The following CAPRIN1 variants were observed in gnomAD, a reference collection of about 807,000 sequenced individuals.
The protein encoded by CAPRIN1 is cell cycle associated protein 1, also known as caprin-1.
CAPRIN1 carries 29 observed loss-of-function variants against 100.9 expected under a neutral mutation model. The ratio of observed to expected loss-of-function variants is 0.29; its 90% CI spans 0.21 to 0.39. The LOEUF (loss-of-function observed/expected upper bound fraction) is 0.39. Among genes scored for constraint, CAPRIN1 ranks in the 10% least tolerant of loss-of-function variants. CAPRIN1 has a pLI of 1.00. For missense variants in CAPRIN1, 795 were observed against 876.7 expected (o/e 0.91, Z 1.18); for synonymous variants, 338 against 307.5 (o/e 1.10, Z -1.04).
intron 10 of CAPRIN1, 29 bp downstream of exon 10, chr11:34,086,248 C>G: frequency 6.2e-7 from 1 of 1,610,666 alleles, no homozygotes; most frequent in South Asian, 1.1e-5. Context: ...GACTCTGTAA[C>G]AGAAAGTTTA....
intron 2 of CAPRIN1, among the ~76,000 whole-genome samples, chr11:34,062,573 T>C (rs1196436101): frequency 5.7e-5 from 8 of 141,252 alleles, no homozygotes; most frequent in East Asian, 2.0e-4. Context: ...TGCAGTGAGC[T>C]GAGATCACGC....
At chr11:34,083,835 A>T (rs1851079559) in intron 9 of CAPRIN1, among the ~76,000 whole-genome samples, 1 of 152,134 alleles carries the variant, frequency 6.6e-6, no homozygotes, top group Non-Finnish European at 1.5e-5. Context: ...TGTGGGGCTG[A>T]GGCAGGTGGA....
chr11:34,098,567 A>G, intron 18 of CAPRIN1: 1 of 985,358 alleles, frequency 1.0e-6, no homozygotes, highest in Non-Finnish European at 1.2e-6. Context: ...AGGAGGAATT[A>G]CAACGTACTT....
intron 4 of CAPRIN1, among the ~76,000 whole-genome samples, chr11:34,074,892 T>G (rs1381723788): frequency 6.6e-6 from 1 of 151,302 alleles, no homozygotes; most frequent in African/African-American, 2.4e-5. Context: ...AAAAAACACC[T>G]TCCTGGCTGG....
chr11:34,065,023 T>G (rs1039714706), intron 2 of CAPRIN1, among the ~76,000 whole-genome samples: 3 of 137,720 alleles, frequency 2.2e-5, no homozygotes, highest in African/African-American at 2.7e-5. Context: ...GCAGGGGCGC[T>G]ATCTCGGCTC....
At chr11:34,082,373 G>T (rs1417039188) in intron 7 of CAPRIN1, among the ~76,000 whole-genome samples, 1 of 152,038 alleles carries the variant, frequency 6.6e-6, no homozygotes, top group East Asian at 1.9e-4. Context: ...ATTTTTAGTA[G>T]AGTTGGGGTT....
intron 9 of CAPRIN1, among the ~76,000 whole-genome samples, chr11:34,083,274 T>G (rs1057175610): frequency 2.6e-5 from 4 of 152,242 alleles, no homozygotes; most frequent in African/African-American, 9.6e-5. Flanking sequence ...CAAAGTTATC[T>G]GTGGATTAAT....
chr11:34,063,065 G>A (rs562210838), intron 2 of CAPRIN1: 5 of 152,196 alleles, frequency 3.3e-5, no homozygotes, highest in Admixed American at 6.5e-5. Context: ...CAAAGCCCAG[G>A]AGGACATCTA....
At chr11:34,089,508 T>C in intron 12 of CAPRIN1, 52 bp downstream of exon 12, 1 of 1,062,852 alleles carries the variant, frequency 9.4e-7, no homozygotes, top group Non-Finnish European at 1.5e-6. Flanking sequence ...GGCTCGTACC[T>C]ATAATCCTAG....
intron 2 of CAPRIN1, chr11:34,063,443 T>A (rs1045446968): frequency 5.3e-5 from 8 of 152,254 alleles, no homozygotes; most frequent in African/African-American, 1.9e-4. Context: ...TAGGTTTAGC[T>A]ACCTTTTAAA....
At chr11:34,089,350 A>AAAATTT (rs747215896) in intron 11 of CAPRIN1, 45 bp from the exon 12 acceptor site, 43 of 1,274,002 alleles carry the variant, frequency 3.4e-5, no homozygotes, top group Non-Finnish European at 4.7e-5. Context: ...CGTCTCTCTA[A>AAAATTT]AAATTTAATT....
chr11:34,055,094 T>A (rs1358262335), intron 2 of CAPRIN1, among the ~76,000 whole-genome samples: 3 of 152,224 alleles, frequency 2.0e-5, no homozygotes, highest in African/African-American at 7.2e-5. Context: ...GGTCATTAAA[T>A]GTGTATAGGT....
intron 4 of CAPRIN1, among the ~76,000 whole-genome samples, chr11:34,075,214 A>G (rs1850882745): frequency 6.6e-6 from 1 of 152,030 alleles, no homozygotes; most frequent in Non-Finnish European, 1.5e-5. Flanking sequence ...AGCCTTCATC[A>G]TTCTTCCCAG....
chr11:34,061,756 A>C (rs1850583044), intron 2 of CAPRIN1, among the ~76,000 whole-genome samples: 1 of 151,484 alleles, frequency 6.6e-6, no homozygotes, highest in African/African-American at 2.4e-5. Flanking sequence ...AGATCACCTG[A>C]TGTCAGGAGT....
intron 9 of CAPRIN1, among the ~76,000 whole-genome samples, chr11:34,083,854 G>A (rs1851080229): frequency 6.6e-6 from 1 of 151,910 alleles, no homozygotes; most frequent in Non-Finnish European, 1.5e-5. Flanking sequence ...GATCACATGA[G>A]GCCAAGAGTT....
chr11:34,084,610 A>G (rs571339842), intron 9 of CAPRIN1, among the ~76,000 whole-genome samples: 40 of 152,206 alleles, frequency 2.6e-4, no homozygotes, highest in African/African-American at 9.6e-4. Flanking sequence ...TTCACATCTC[A>G]AGAGTACTGG....
intron 2 of CAPRIN1, among the ~76,000 whole-genome samples, chr11:34,071,292 G>T (rs897693242): frequency 2.0e-5 from 3 of 152,144 alleles, no homozygotes; most frequent in Non-Finnish European, 4.4e-5. Flanking sequence ...GGCTGGGCGC[G>T]GTGGCTCATG....
chr11:34,096,446 T>G (rs768928975), intron 15 of CAPRIN1, 33 bp from the exon 16 acceptor site: 1 of 1,535,656 alleles, frequency 6.5e-7, no homozygotes, highest in African/African-American at 1.4e-5. Flanking sequence ...ATGAGCTGTT[T>G]ATGTATATAT....
At chr11:34,094,358 A>G (rs1851324487) in intron 15 of CAPRIN1, among the ~76,000 whole-genome samples, 1 of 151,766 alleles carries the variant, frequency 6.6e-6, no homozygotes, top group Admixed American at 6.6e-5. Flanking sequence ...TCCCGGCCTG[A>G]TATTTGTTGA....
Sources: allele counts gnomAD v4.1 joint callset (sites outside exome capture counted in the v4.1 genomes callset), GRCh38; gene constraint gnomAD v4.1.1; transcripts MANE v1.5; gene names NCBI Gene and HGNC (gene_info 2026-07-23, HGNC 2026-07-21).